The following KHDRBS3 variants were observed in gnomAD, a reference collection of about 807,000 sequenced individuals.
KHDRBS3 encodes the protein KH RNA binding domain containing, signal transduction associated 3, also known as KH domain-containing, RNA-binding, signal transduction-associated protein 3.
Under a neutral mutation model 45.6 loss-of-function variants are expected in KHDRBS3, and 23 were observed. The ratio of observed to expected loss-of-function variants is 0.50; its 90% CI spans 0.36 to 0.72. KHDRBS3 has a LOEUF of 0.72. Ranked by LOEUF, KHDRBS3 falls within the 30% of genes least tolerant of loss-of-function variation. KHDRBS3 has a pLI of 0.00. For synonymous variants in KHDRBS3, 162 were observed against 156.5 expected (o/e 1.04, Z -0.26); for missense variants, 352 against 424.8 (o/e 0.83, Z 1.51).
At chr8:135,650,032 A>G (rs1831396592), downstream of KHDRBS3, among the ~76,000 whole-genome samples, 1 of 152,112 alleles carries the variant, frequency 6.6e-6, no homozygotes, top group Non-Finnish European at 1.5e-5. Context: ...TCACGTCTCT[A>G]AGAGCACATT....
chr8:135,580,767 C>A (rs1024405651), intron 5 of KHDRBS3, among the ~76,000 whole-genome samples: 2 of 152,044 alleles, frequency 1.3e-5, no homozygotes, highest in Admixed American at 6.5e-5. Context: ...CACACACCAC[C>A]GTGCCCAGCT....
intron 6 of KHDRBS3, among the ~76,000 whole-genome samples, chr8:135,598,716 C>T (rs112912754): frequency 0.011 from 1,721 of 152,200 alleles, 28 homozygotes; most frequent in African/African-American, 0.037. Context: ...TGCATCGACC[C>T]GGATACTATT....
At chr8:135,544,403 G>A (rs1826188930) in intron 3 of KHDRBS3, among the ~76,000 whole-genome samples, 1 of 152,164 alleles carries the variant, frequency 6.6e-6, no homozygotes, top group African/African-American at 2.4e-5. Context: ...TATAATGAAA[G>A]GGATCCTAAA....
intron 6 of KHDRBS3, among the ~76,000 whole-genome samples, chr8:135,604,491 A>G (rs1247560154): frequency 2.0e-5 from 3 of 148,578 alleles, no homozygotes; most frequent in Non-Finnish European, 4.5e-5. Context: ...TCTTTTTTGT[A>G]CCTTACTTCC....
intron 2 of KHDRBS3, among the ~76,000 whole-genome samples, chr8:135,528,779 A>G (rs185032947): frequency 4.6e-5 from 7 of 152,320 alleles, no homozygotes; most frequent in Admixed American, 2.6e-4. Context: ...GCCTCCTCGC[A>G]TAGTAGTATG....
chr8:135,656,255 A>C (rs1229440288), exon 5 of KHDRBS3: 1 of 152,196 alleles, frequency 6.6e-6, no homozygotes, highest in African/African-American at 2.4e-5. Flanking sequence ...GCACTGCTTA[A>C]GAACCGTCAA....
intron 2 of KHDRBS3, chr8:135,540,335 C>T (rs903131894): frequency 1.3e-5 from 2 of 152,086 alleles, no homozygotes; most frequent in Admixed American, 6.5e-5. Flanking sequence ...TGGGAAAACT[C>T]GAGAGCGCTC....
chr8:135,581,636 G>A (rs376258407), intron 5 of KHDRBS3, among the ~76,000 whole-genome samples: 1 of 152,172 alleles, frequency 6.6e-6, no homozygotes, highest in Admixed American at 6.5e-5. Context: ...TTCCTACTCT[G>A]TGTATTGACC....
intron 7 of KHDRBS3, among the ~76,000 whole-genome samples, chr8:135,618,722 A>G (rs1163193019): frequency 2.6e-5 from 4 of 152,212 alleles, no homozygotes; most frequent in Admixed American, 2.6e-4. Flanking sequence ...GAGTGAAAAT[A>G]TTATATGATT....
chr8:135,649,161 A>T (rs1831379102), downstream of KHDRBS3, among the ~76,000 whole-genome samples: 1 of 152,142 alleles, frequency 6.6e-6, no homozygotes, highest in Non-Finnish European at 1.5e-5. Context: ...AAGTATTATT[A>T]TTTTTGTCTC....
intron 1 of KHDRBS3, among the ~76,000 whole-genome samples, chr8:135,459,800 A>T (rs747216029): frequency 8.5e-5 from 13 of 152,228 alleles, no homozygotes; most frequent in Non-Finnish European, 1.9e-4. Context: ...TGTTTTTACC[A>T]GTGTTAATGG....
intron 1 of KHDRBS3, among the ~76,000 whole-genome samples, chr8:135,464,901 C>T (rs1002222815): frequency 6.6e-6 from 1 of 152,166 alleles, no homozygotes; most frequent in African/African-American, 2.4e-5. Context: ...CTGTTAGCAT[C>T]AGATAGAGGT....
chr8:135,635,253 T>A (rs1419382953), intron 7 of KHDRBS3, among the ~76,000 whole-genome samples: 1 of 152,384 alleles, frequency 6.6e-6, no homozygotes, highest in African/African-American at 2.4e-5. Flanking sequence ...TGATGTGATA[T>A]GTTGTTTTGA....
intron 1 of KHDRBS3, among the ~76,000 whole-genome samples, chr8:135,498,311 T>C (rs982265958): frequency 2.6e-5 from 4 of 152,216 alleles, no homozygotes; most frequent in African/African-American, 9.6e-5. Flanking sequence ...CGTACTGCAT[T>C]ACTTCTCACG....
chr8:135,518,223 AG>A, intron 1 of KHDRBS3, among the ~76,000 whole-genome samples: 1 of 151,988 alleles, frequency 6.6e-6, no homozygotes, highest in South Asian at 2.1e-4. Flanking sequence ...CCCAGGGTGG[AG>A]GTGCAGTGAC....
chr8:135,543,929 T>G (rs1466958837), intron 3 of KHDRBS3, among the ~76,000 whole-genome samples: 1 of 152,174 alleles, frequency 6.6e-6, no homozygotes, highest in Non-Finnish European at 1.5e-5. Flanking sequence ...CAAAATGAAT[T>G]TCAGTAGGTG....
intron 1 of KHDRBS3, among the ~76,000 whole-genome samples, chr8:135,489,292 G>A (rs1823022520): frequency 6.6e-6 from 1 of 152,072 alleles, no homozygotes; most frequent in South Asian, 2.1e-4. Context: ...TCATGGTGCT[G>A]GACAGATAAT....
At chr8:135,489,281 G>C (rs181035775) in intron 1 of KHDRBS3, among the ~76,000 whole-genome samples, 1 of 152,278 alleles carries the variant, frequency 6.6e-6, no homozygotes, top group Admixed American at 6.5e-5. Context: ...CACCGTATCT[G>C]TCATGGTGCT....
At chr8:135,555,193 T>A (rs1826813827) in intron 4 of KHDRBS3, among the ~76,000 whole-genome samples, 1 of 152,186 alleles carries the variant, frequency 6.6e-6, no homozygotes, top group Non-Finnish European at 1.5e-5. Flanking sequence ...TATAATGTAA[T>A]ATCTTCTTAT....
Sources: allele counts gnomAD v4.1 joint callset (sites outside exome capture counted in the v4.1 genomes callset), GRCh38; gene constraint gnomAD v4.1.1; transcripts MANE v1.5; gene names NCBI Gene and HGNC (gene_info 2026-07-23, HGNC 2026-07-21).